INKA2: variants seen among roughly 807,000 people sequenced by gnomAD.
INKA2 encodes PAK4-inhibitor INKA2.
Under a neutral mutation model 9.8 loss-of-function variants are expected in INKA2, and 3 were observed. That is an observed-to-expected ratio of 0.31 (90% CI 0.14 to 0.79). The LOEUF (loss-of-function observed/expected upper bound fraction) is 0.79, where lower values mean the gene tolerates loss of function less well. Among genes scored for constraint, INKA2 ranks in the 30% least tolerant of loss-of-function variants. The pLI is 0.62. For missense variants in INKA2, 392 were observed against 384.4 expected (o/e 1.02, Z -0.17); for synonymous variants, 147 against 143.3 (o/e 1.03, Z -0.18).
Position 111,730,057 on chromosome 1 carries a change from T to C in INKA2, c.58-2253A>G, listed in dbSNP as rs116748212. On this transcript the variant is annotated intron_variant, in intron 1 of 1. Coordinates refer to ENST00000357260, the MANE Select transcript of INKA2 (RefSeq NM_019099.5). ...TTTTCACCAGTTGAATGGGGGGCAGTGGCAGGAGCAACAAGGGACAAGGAG... is the reference window on the plus strand; with the variant it reads ...TTTTCACCAGTTGAATGGGGGGCAGCGGCAGGAGCAACAAGGGACAAGGAG... 8.0e-3 allele frequency among the ~76,000 whole-genome samples: 1,215 copies of C among 152,336 alleles called. 13 individuals are homozygous for C. Among genetic ancestry groups the C allele is most frequent in the African/African-American group, 0.028 (1,163 of 41,584 alleles).
At chr1:111,752,413 C>T (rs542854374) in intron 1 of INKA2, among the ~76,000 whole-genome samples, 15 of 152,316 alleles carry the variant, frequency 9.8e-5, no homozygotes, top group African/African-American at 3.1e-4. Context: ...TCTGTCTCCC[C>T]AAGTGCAGAG....
intron 1 of INKA2, chr1:111,744,570 CT>C (rs3085877): frequency 1.1e-3 from 155 of 140,964 alleles, no homozygotes; most frequent in South Asian, 1.4e-3. Context: ...TGCCATCACT[CT>C]TTTTTTTTTT....
chr1:111,751,976 T>A (rs1346672564), intron 1 of INKA2, among the ~76,000 whole-genome samples: 1 of 152,140 alleles, frequency 6.6e-6, no homozygotes, highest in African/African-American at 2.4e-5. Flanking sequence ...GGTATAACTT[T>A]ATGGCTAAGT....
intron 1 of INKA2, chr1:111,745,231 T>TATACACACACACAC (rs1356034280): frequency 2.7e-5 from 3 of 112,724 alleles, no homozygotes; most frequent in Admixed American, 1.0e-4. Context: ...CAAGCAAATA[T>TATACACACACACAC]ACACACACAC....
intron 1 of INKA2, among the ~76,000 whole-genome samples, chr1:111,752,345 T>C (rs1173506289): frequency 6.6e-6 from 1 of 152,252 alleles, no homozygotes; most frequent in African/African-American, 2.4e-5. Context: ...GGTTACCTCC[T>C]TGACTTCAGT....
chr1:111,738,857 C>T (rs1338011353), intron 1 of INKA2, among the ~76,000 whole-genome samples: 2 of 152,202 alleles, frequency 1.3e-5, no homozygotes, highest in African/African-American at 4.8e-5. Context: ...GCGCGGGGGC[C>T]CCACTGCGTC....
chr1:111,739,366 G>C lies in INKA2; in HGVS notation c.-124C>G, dbSNP rs751864980. On this transcript the variant is annotated 5_prime_UTR_variant, in exon 1 of 2. Transcript: ENST00000357260. Reference sequence around the variant, plus strand: ...CGTAGCGCTCGCAGCGCGGAGCTGAGCCTGCGCTCCGAGCCCGGGACTCAG... The same window carrying C: ...CGTAGCGCTCGCAGCGCGGAGCTGACCCTGCGCTCCGAGCCCGGGACTCAG... 1 of 1,531,808 alleles carries C rather than the reference G, an allele frequency of 6.5e-7. No individual in the cohort carries two copies. The highest frequency in any genetic ancestry group is 8.8e-7 in the Non-Finnish European group (1 of 1,139,058). 94.9% of individuals were successfully genotyped at this position (1,531,808 alleles called of 1,614,324 possible).
At chr1:111,737,888 G>A (rs894705420) in intron 1 of INKA2, among the ~76,000 whole-genome samples, 6 of 152,212 alleles carry the variant, frequency 3.9e-5, no homozygotes, top group African/African-American at 7.2e-5. Flanking sequence ...AAGCATCAGT[G>A]AGAACACCTG....
intron 1 of INKA2, among the ~76,000 whole-genome samples, chr1:111,737,674 G>A (rs577195970): frequency 1.7e-3 from 260 of 152,354 alleles, no homozygotes; most frequent in Non-Finnish European, 3.1e-3. Flanking sequence ...ACTATGGGAA[G>A]GGACATGGCG....
rs1662750731 is a variant in INKA2 at position 111,725,612 on chromosome 1, C to G, written c.*1356G>C. On this transcript the variant is annotated 3_prime_UTR_variant, in exon 2 of 2. Coordinates refer to ENST00000357260, the MANE Select transcript of INKA2 (RefSeq NM_019099.5). Reference sequence around the variant, plus strand: ...GGAATGGAGCTGGGAATTTTAAAATCAAGTGGCTATTTCTTCTGGGTTCAC... The same window carrying G: ...GGAATGGAGCTGGGAATTTTAAAATGAAGTGGCTATTTCTTCTGGGTTCAC... 1 of 152,512 alleles carries G rather than the reference C, an allele frequency of 6.6e-6. No individual in the cohort carries two copies. Among genetic ancestry groups the G allele is most frequent in the South Asian group, 2.1e-4 (1 of 4,836 alleles). 9.4% of individuals were successfully genotyped at this position (152,512 alleles called of 1,614,324 possible).
chr1:111,745,293 A>ATATATTTT (rs1358304932), intron 1 of INKA2: 5 of 49,270 alleles, frequency 1.0e-4, no homozygotes, highest in South Asian at 9.8e-4. Flanking sequence ...ATATATATAT[A>ATATATTTT]TTTTTTTTTT....
At position 111,725,200 on chromosome 1, in the gene INKA2, G is replaced by A. The variant is rs560338835; in HGVS notation, c.*1768C>T. Reference sequence around the variant, plus strand: ...TCTTACTATTTTGCCTCTCCAACTGGCTATTAATGCTTTGAGGGTGGGAAG... The same window carrying A: ...TCTTACTATTTTGCCTCTCCAACTGACTATTAATGCTTTGAGGGTGGGAAG... On this transcript the variant is annotated 3_prime_UTR_variant, in exon 2 of 2. Transcript: ENST00000357260. 2.2e-4 allele frequency: 33 copies of A among 152,188 alleles called. No individual in the cohort carries two copies. The highest frequency in any genetic ancestry group is 3.8e-4 in the Non-Finnish European group (26 of 68,062). The allele number at this position is 152,188 out of a possible 1,614,324, so 9.4% of individuals were successfully genotyped here.
intron 1 of INKA2, chr1:111,754,255 C>T (rs1427329593): frequency 6.6e-6 from 1 of 152,192 alleles, no homozygotes; most frequent in African/African-American, 2.4e-5. Context: ...AAGGCTGGGA[C>T]CTTTAGTGCC....
Position 111,724,400 on chromosome 1 carries a change from T to C in INKA2, c.*2568A>G, listed in dbSNP as rs886658478. The C allele has an allele frequency of 6.6e-6, 1 of 152,244 alleles. No individual in the cohort carries two copies. Among genetic ancestry groups the C allele is most frequent in the Non-Finnish European group, 1.5e-5 (1 of 68,062 alleles). The allele number at this position is 152,244 out of a possible 1,614,324, so 9.4% of individuals were successfully genotyped here. A position where few individuals can be genotyped will look rare whatever the true frequency, so the allele number is the denominator to read the frequency against. ...ACGAAACACGTGAGTTATAGGTGAA[T>C]GTCCAAGAAGTACCTTGGTTTCCCA... On this transcript the variant is annotated 3_prime_UTR_variant, in exon 2 of 2. Coordinates refer to ENST00000357260, the MANE Select transcript of INKA2 (RefSeq NM_019099.5).
intron 1 of INKA2, among the ~76,000 whole-genome samples, chr1:111,748,935 G>C (rs12732051): frequency 0.036 from 5,420 of 152,328 alleles, 133 homozygotes; most frequent in East Asian, 0.073. Flanking sequence ...GAATAGATGC[G>C]GGAGGATCAA....
In INKA2 at chr1:111,726,355, C is replaced by G; in HGVS notation, c.*613G>C. The G allele has an allele frequency of 6.1e-6, 2 of 328,160 alleles. No homozygotes were observed. Among genetic ancestry groups the G allele is most frequent in the Non-Finnish European group, 1.1e-5 (2 of 182,468 alleles). The allele number at this position is 328,160 out of a possible 1,614,324, so 20.3% of individuals were successfully genotyped here. A position where few individuals can be genotyped will look rare whatever the true frequency, so the allele number is the denominator to read the frequency against. ...TACACACTGTACTCCTTATTCAGCT[C>G]ATTTTCTCAGAGTCCAGGTATGGAC... On this transcript the variant is annotated 3_prime_UTR_variant, in exon 2 of 2. Transcript: ENST00000357260.
At chr1:111,729,098 C>G (rs1181221666) in intron 1 of INKA2, among the ~76,000 whole-genome samples, 1 of 152,132 alleles carries the variant, frequency 6.6e-6, no homozygotes. Flanking sequence ...TAAGGCTACT[C>G]TGTCCTCTAC....
At chr1:111,740,969 TTTAAAAAAAAAAAAAAAAAAAAAAAAA>T, upstream of INKA2, among the ~76,000 whole-genome samples, 1 of 37,978 alleles carries the variant, frequency 2.6e-5, no homozygotes, top group African/African-American at 1.1e-4. Context: ...AGAAACTCCG[TTTAAAAAAAAAAAAAAAAAAAAAAAAA>T]AAAAAAAAAA....
chr1:111,741,826 G>A (rs57710208), upstream of INKA2, among the ~76,000 whole-genome samples: 4 of 151,956 alleles, frequency 2.6e-5, no homozygotes, highest in African/African-American at 7.3e-5. Flanking sequence ...AGCGATTTTC[G>A]TGCCTCAGCC....
Sources: gnomAD v4.1 joint callset for allele counts (sites outside exome capture counted in the v4.1 genomes callset) on GRCh38, gnomAD v4.1.1 for gene constraint, MANE v1.5 for transcripts, NCBI Gene and HGNC (gene_info 2026-07-23, HGNC 2026-07-21) for gene names.